ZNF470: variants seen among roughly 807,000 people sequenced by gnomAD.
The protein encoded by ZNF470 is chondrogenesis zinc finger protein 1.
A neutral mutation model predicts 13.9 loss-of-function variants in ZNF470; 13 were observed. That is an observed-to-expected ratio of 0.94 (90% CI 0.61 to 1.49). The LOEUF (loss-of-function observed/expected upper bound fraction) is 1.49, where lower values mean the gene tolerates loss of function less well. Ranked by LOEUF, ZNF470 falls within the 40% of genes most tolerant of loss-of-function variation. The pLI is 0.00. For synonymous variants in ZNF470, 293 were observed against 282.9 expected, an observed-to-expected ratio of 1.04 and a Z score of -0.36; for missense variants, 929 against 857.3, an observed-to-expected ratio of 1.08 and a Z score of -1.04.
In ZNF470 at chr19:56,580,321, A is replaced by G; in HGVS notation, c.*1738A>G. On this transcript the variant is annotated 3_prime_UTR_variant, in exon 6 of 6. Transcript: ENST00000330619. ...GAGATCATGGCAGTTATGTTCACTC[A>G]TATAAATGTTGATTTAGAAGCTGGT... 1 of 262,312 alleles carries G rather than the reference A, an allele frequency of 3.8e-6. No individual in the cohort carries two copies. Among genetic ancestry groups the G allele is most frequent in the South Asian group, 1.5e-4 (1 of 6,862 alleles). 16.2% of individuals were successfully genotyped at this position (262,312 alleles called of 1,614,324 possible).
chr19:56,578,716 A>G lies in ZNF470; in HGVS notation c.*133A>G. ...ACTGTTGCCCCTTTTGCTTCTATCA[A>G]CTACATGTTTAACACTGTAGGCAGC... On this transcript the variant is annotated 3_prime_UTR_variant, in exon 6 of 6. Transcript: ENST00000330619. 1.5e-6 allele frequency: 2 copies of G among 1,308,836 alleles called. No homozygotes were observed. The highest frequency in any genetic ancestry group is 1.9e-6 in the Non-Finnish European group (2 of 1,028,254). 81.1% of individuals were successfully genotyped at this position (1,308,836 alleles called of 1,614,324 possible). A position where few individuals can be genotyped will look rare whatever the true frequency, so the allele number is the denominator to read the frequency against.
In ZNF470 at chr19:56,578,074, A is replaced by G. The variant is rs958601091; in HGVS notation, c.1645A>G (p.Ile549Val). The change falls in exon 6 of 6, where the codon ATT becomes GTT. Residue 549 changes from isoleucine (I) to valine (V), a missense_variant. Physicochemically the swap from Ile to Val is conservative, Grantham distance 29 (BLOSUM62 3). Coordinates refer to ENST00000330619, the MANE Select transcript of ZNF470 (RefSeq NM_001001668.4). ...GGAATGTGGTAAGGCCTTCAGTCAG[A>G]TTGCACACCTTGTTCAGCACCAGAG... is the stretch of plus-strand genomic sequence containing the variant. The part of the protein sequence containing the change: ...CKECGKAFSQ[I>V]AHLVQHQRVH... 10 of 1,613,696 alleles carry G rather than the reference A, an allele frequency of 6.2e-6. No homozygotes were observed. The highest frequency in any genetic ancestry group is 8.5e-6 in the Non-Finnish European group (10 of 1,179,888).
In ZNF470 at chr19:56,568,233, A is replaced by G. The variant is rs192230062; in HGVS notation, c.-159+195A>G. 1.2e-4 allele frequency among the ~76,000 whole-genome samples: 18 copies of G among 152,306 alleles called. 1 individual carries two copies. In the East Asian group the frequency reaches 3.5e-3, roughly 29 times the overall value. On this transcript the variant is annotated intron_variant, in intron 1 of 5. Transcript: ENST00000330619. ...GTTAGGGAGGGACCTTGACTTGGCC[A>G]GAGACACCTAACCAGATAACCTGAC...
Position 56,574,190 on chromosome 19 carries a change from T to C in ZNF470, c.61-204T>C, listed in dbSNP as rs955651236. ...GTTTGAAGAGCAAGGAGTATCTCAT[T>C]TTTTTCTTTTTCCTAATATGTACAG... On this transcript the variant is annotated intron_variant, in intron 3 of 5. Transcript: ENST00000330619. 1.0e-5 allele frequency: 9 copies of C among 864,954 alleles called. No homozygotes were observed. In the African/African-American group the frequency reaches 1.5e-4, roughly 15 times the overall value. The allele number at this position is 864,954 out of a possible 1,614,324, so 53.6% of individuals were successfully genotyped here.
rs1307046245 is a variant in ZNF470, at chr19:56,579,661, C to T, written c.*1078C>T. 7 of 985,232 alleles carry T rather than the reference C, an allele frequency of 7.1e-6. No individual in the cohort carries two copies. Among genetic ancestry groups the T allele is most frequent in the Non-Finnish European group, 8.4e-6 (7 of 829,904 alleles). The allele number at this position is 985,232 out of a possible 1,614,324, so 61.0% of individuals were successfully genotyped here. A position where few individuals can be genotyped will look rare whatever the true frequency, so the allele number is the denominator to read the frequency against. On this transcript the variant is annotated 3_prime_UTR_variant, in exon 6 of 6. Transcript: ENST00000330619. ...CTTCCATCTTGTTCCATGAGATTGA[C>T]AAGACATGCCAAAACATAAAAATAT...
In ZNF470 at chr19:56,577,915, C is replaced by G. The variant is rs374187069; in HGVS notation, c.1486C>G (p.Leu496Val). The change falls in exon 6 of 6, where the codon CTG (leucine) becomes GTG (valine). Residue 496 changes from leucine (L) to valine (V), a missense_variant. By Grantham distance (32) the Leu-to-Val change is conservative. Transcript: ENST00000330619. Reference sequence around the variant, plus strand: ...GAAAGCTTTCCGGCAGAGCACGCATCTGGCTCATCATCAGAGAATTCATAC... The same window carrying G: ...GAAAGCTTTCCGGCAGAGCACGCATGTGGCTCATCATCAGAGAATTCATAC... ...CGKAFRQSTH[L>V]AHHQRIHTGE... 2 of 1,614,012 alleles carry G rather than the reference C, an allele frequency of 1.2e-6. No individual in the cohort carries two copies. Among genetic ancestry groups the G allele is most frequent in the Admixed American group, 1.7e-5 (1 of 59,992 alleles).
Position 56,576,831 on chromosome 19 carries a change from A to T in ZNF470, c.402A>T (p.Thr134=), listed in dbSNP as rs1371769870. The T allele has an allele frequency of 6.3e-7, 1 of 1,589,680 alleles. No individual in the cohort carries two copies. The change falls in exon 6 of 6, where the codon ACA becomes ACT. Residue 134 remains threonine (T), a synonymous_variant. Coordinates refer to ENST00000330619, the MANE Select transcript of ZNF470 (RefSeq NM_001001668.4). ...RLKSYDLECS[T]LGKNWKCEDL... ...AAAGCTATGACCTTGAATGTTCAAC[A>T]TTAGGGAAAAACTGGAAATGTGAAG...
chr19:56,577,286 G>T lies in ZNF470; in HGVS notation c.857G>T (p.Cys286Phe), dbSNP rs1478494202. ...CACACAGGAGAAAAACCTTTTGAAT[G>T]TACTGAATGTGGGAAAGCCTTCAGC... ...RIHTGEKPFE[C>F]TECGKAFSQN... Residue 286 changes from cysteine (C) to phenylalanine (F), a missense_variant, in exon 6 of 6, where the codon TGT becomes TTT. Physicochemically the swap from Cys to Phe is radical, Grantham distance 205. Transcript: ENST00000330619. 6.2e-7 allele frequency: 1 copy of T among 1,613,508 alleles called. No homozygotes were observed. The highest frequency in any genetic ancestry group is 1.1e-5 in the South Asian group (1 of 91,022).
Position 56,577,752 on chromosome 19 carries a change from A to G in ZNF470, c.1323A>G (p.Thr441=). The change falls in exon 6 of 6, where the codon ACA becomes ACG. Residue 441 remains threonine (T), a synonymous_variant. Transcript: ENST00000330619. The stretch of plus-strand genomic sequence containing the variant: ...CTTTTAGCCATGGCTCATCTCTGAC[A>G]GTACATCAGAGAATTCATACAGGAG... ...GKAFSHGSSL[T]VHQRIHTGEK... 1 of 1,612,782 alleles carries G rather than the reference A, an allele frequency of 6.2e-7. No homozygotes were observed. Among genetic ancestry groups the G allele is most frequent in the East Asian group, 2.2e-5 (1 of 44,772 alleles).
At position 56,582,578 on chromosome 19, in the gene ZNF470, C is replaced by T. The variant is rs1042102578; in HGVS notation, c.*3995C>T. On this transcript the variant is annotated 3_prime_UTR_variant, in exon 6 of 6. Coordinates refer to ENST00000330619, the MANE Select transcript of ZNF470 (RefSeq NM_001001668.4). ...CACCAAATGCTGGCCTCTACCACCA[C>T]CAAATTTACTTGTTGAAGTCCTAAA... is the stretch of plus-strand genomic sequence containing the variant. 2.0e-6 allele frequency: 2 copies of T among 985,254 alleles called. No individual in the cohort carries two copies. The highest frequency in any genetic ancestry group is 1.2e-6 in the Non-Finnish European group (1 of 829,886). 61.0% of individuals were successfully genotyped at this position (985,254 alleles called of 1,614,324 possible).
chr19:56,576,366 T>C (rs1172654152), intron 5 of ZNF470, among the ~76,000 whole-genome samples: 2 of 152,074 alleles, frequency 1.3e-5, no homozygotes, highest in Non-Finnish European at 2.9e-5. Flanking sequence ...TGTTCTGGGA[T>C]AGAGAATAAA....
intron 5 of ZNF470, among the ~76,000 whole-genome samples, chr19:56,575,918 G>T (rs1200778360): frequency 1.3e-5 from 2 of 152,106 alleles, no homozygotes; most frequent in Non-Finnish European, 2.9e-5. Flanking sequence ...GGAAAGCCCA[G>T]ATAAGTTATA....
chr19:56,582,754 G>A lies in ZNF470; in HGVS notation c.*4171G>A, dbSNP rs559133829. 5.3e-6 allele frequency: 1 copy of A among 187,498 alleles called. No homozygotes were observed. The highest frequency in any genetic ancestry group is 6.5e-5 in the Admixed American group (1 of 15,340). The allele number at this position is 187,498 out of a possible 1,614,324, so 11.6% of individuals were successfully genotyped here. On this transcript the variant is annotated 3_prime_UTR_variant, in exon 6 of 6. Transcript: ENST00000330619. ...CTCTCCACATGTGCACAGAGGAAAT[G>A]CTGTGTAAGGACACAACAAGAATGC...
Position 56,577,446 on chromosome 19 carries a change from C to T in ZNF470, c.1017C>T (p.Pro339=). The T allele has an allele frequency of 1.2e-6, 2 of 1,614,004 alleles. No individual in the cohort carries two copies. The highest frequency in any genetic ancestry group is 4.5e-5 in the East Asian group (2 of 44,872). ...AGAGGGTCCACACTGGAGAGAAACC[C>T]TATGAATGTATTGAATGTGGGAAGG... The part of the protein sequence containing the change: ...QHQRVHTGEK[P]YECIECGKAF... Residue 339 remains proline, a synonymous_variant, in exon 6 of 6, where the codon CCC becomes CCT. Coordinates refer to ENST00000330619, the MANE Select transcript of ZNF470 (RefSeq NM_001001668.4).
At position 56,581,414 on chromosome 19, in the gene ZNF470, T is replaced by A; in HGVS notation, c.*2831T>A. On this transcript the variant is annotated 3_prime_UTR_variant, in exon 6 of 6. Coordinates refer to ENST00000330619, the MANE Select transcript of ZNF470 (RefSeq NM_001001668.4). ...TTGCTTTATGTATATACCCTTTGAATTAATATTCCTTGGAAACCAACATAT... is the reference window on the plus strand; with the variant it reads ...TTGCTTTATGTATATACCCTTTGAAATAATATTCCTTGGAAACCAACATAT... 1 of 968,920 alleles carries A rather than the reference T, an allele frequency of 1.0e-6. No homozygotes were observed. Among genetic ancestry groups the A allele is most frequent in the Non-Finnish European group, 1.2e-6 (1 of 814,890 alleles). The allele number at this position is 968,920 out of a possible 1,614,324, so 60.0% of individuals were successfully genotyped here.
Position 56,567,903 on chromosome 19 carries a change from C to G in ZNF470, c.-294C>G, listed in dbSNP as rs893778076. The G allele has an allele frequency of 1.0e-6, 1 of 984,104 alleles. No individual in the cohort carries two copies. The highest frequency in any genetic ancestry group is 1.8e-5 in the African/African-American group (1 of 56,746). The allele number at this position is 984,104 out of a possible 1,614,324, so 61.0% of individuals were successfully genotyped here. ...CCAGTGTGGGCAAAGTCCTAGAGCC[C>G]GGGGAAGTTGCCCGGGCGGGGCAGC... is the stretch of plus-strand genomic sequence containing the variant. On this transcript the variant is annotated 5_prime_UTR_variant, in exon 1 of 6. Transcript: ENST00000330619.
rs548341509 is a variant in ZNF470, at chr19:56,567,862, A to G, written c.-335A>G. 1.4e-4 allele frequency: 134 copies of G among 985,292 alleles called. No individual in the cohort carries two copies. Among genetic ancestry groups the G allele is most frequent in the Admixed American group, 1.8e-4 (3 of 16,252 alleles). 61.0% of individuals were successfully genotyped at this position (985,292 alleles called of 1,614,324 possible). ...GGAGGCTTACCCCGTTCTCCCCTGT[A>G]TCGACTGCGTAGAGCCCAGTGTGGG... On this transcript the variant is annotated 5_prime_UTR_variant, in exon 1 of 6. Transcript: ENST00000330619.
rs998037811 is a variant in ZNF470 at position 56,579,568 on chromosome 19, A to G, written c.*985A>G. 1 of 985,472 alleles carries G rather than the reference A, an allele frequency of 1.0e-6. No individual in the cohort carries two copies. The highest frequency in any genetic ancestry group is 4.7e-5 in the South Asian group (1 of 21,294). The allele number at this position is 985,472 out of a possible 1,614,324, so 61.0% of individuals were successfully genotyped here. Reference sequence around the variant, plus strand: ...AGGGTAGTTCAATACTTTGGCCTTTATAAAAGTACCACAGACAATTCGTGT... The same window carrying G: ...AGGGTAGTTCAATACTTTGGCCTTTGTAAAAGTACCACAGACAATTCGTGT... On this transcript the variant is annotated 3_prime_UTR_variant, in exon 6 of 6. Coordinates refer to ENST00000330619, the MANE Select transcript of ZNF470 (RefSeq NM_001001668.4).
Position 56,582,740 on chromosome 19 carries a change from T to C in ZNF470, c.*4157T>C, listed in dbSNP as rs1291157110. On this transcript the variant is annotated 3_prime_UTR_variant, in exon 6 of 6. Coordinates refer to ENST00000330619, the MANE Select transcript of ZNF470 (RefSeq NM_001001668.4). ...CACCAGAGGTTTGTCTCTCCACATG[T>C]GCACAGAGGAAATGCTGTGTAAGGA... 1 of 206,112 alleles carries C rather than the reference T, an allele frequency of 4.9e-6. No individual in the cohort carries two copies. The highest frequency in any genetic ancestry group is 8.5e-6 in the Non-Finnish European group (1 of 117,474). 12.8% of individuals were successfully genotyped at this position (206,112 alleles called of 1,614,324 possible).
Sources: allele counts gnomAD v4.1 joint callset (sites outside exome capture counted in the v4.1 genomes callset), GRCh38; gene constraint gnomAD v4.1.1; transcripts MANE v1.5; gene names NCBI Gene and HGNC (gene_info 2026-07-23, HGNC 2026-07-21).